CREB1: variants seen among roughly 807,000 people sequenced by gnomAD.
CREB1 encodes cAMP responsive element binding protein 1.
A neutral mutation model predicts 42.0 loss-of-function variants in CREB1; 2 were observed. The ratio of observed to expected loss-of-function variants is 0.05; its 90% confidence interval spans 0.02 to 0.15. The LOEUF is 0.15. CREB1 is among the 10% of genes least tolerant of loss of function. The pLI, the probability that CREB1 is intolerant of heterozygous loss-of-function variation, is 1.00. For missense variants in CREB1, 199 were observed against 388.9 expected (o/e 0.51, Z 4.11); for synonymous variants, 123 against 139.9 (o/e 0.88, Z 0.85).
chr2:207,577,744 G>C, intron 7 of CREB1, 89 bp downstream of exon 7: 2 of 1,499,344 alleles, frequency 1.3e-6, no homozygotes, highest in Non-Finnish European at 1.8e-6. Context: ...ACTGGTAATA[G>C]GATCTTTGCA....
Position 207,600,617 on chromosome 2 carries a change from AATC to A in CREB1, c.*3563_*3565del, listed in dbSNP as rs2086885684. 4.7e-6 allele frequency: 1 copy of A among 212,288 alleles called. No individual in the cohort carries two copies. The highest frequency in any genetic ancestry group is 9.5e-6 in the Non-Finnish European group (1 of 104,726). The allele number at this position is 212,288 out of a possible 1,614,324, so 13.2% of individuals were successfully genotyped here. A position where few individuals can be genotyped will look rare whatever the true frequency, so the allele number is the denominator to read the frequency against. On this transcript the variant is annotated 3_prime_UTR_variant, in exon 8 of 8. Coordinates refer to ENST00000353267, the MANE Select transcript of CREB1 (RefSeq NM_004379.5). Reference sequence around the variant, plus strand: ...TAAAGGAACCACTGATTTTTTCAAAAATCATCCTGGGGGAGGAATTTTGGCATT... The same window carrying A: ...TAAAGGAACCACTGATTTTTTCAAAAATCCTGGGGGAGGAATTTTGGCATT...
At chr2:207,558,116 A>T (rs1019036638) in intron 2 of CREB1, among the ~76,000 whole-genome samples, 1 of 152,230 alleles carries the variant, frequency 6.6e-6, no homozygotes, top group Non-Finnish European at 1.5e-5. Flanking sequence ...AGCAAGATTT[A>T]TAGTGGCCAG....
chr2:207,588,748 T>G (rs201350738), intron 7 of CREB1, among the ~76,000 whole-genome samples: 199 of 142,214 alleles, frequency 1.4e-3, no homozygotes, highest in Admixed American at 3.6e-3. Context: ...TTTTTGTGTG[T>G]GGGGGTGGGG....
intron 1 of CREB1, among the ~76,000 whole-genome samples, chr2:207,541,933 T>G (rs1371535176): frequency 2.0e-5 from 3 of 152,248 alleles, no homozygotes; most frequent in Non-Finnish European, 4.4e-5. Flanking sequence ...ACATTGTGTA[T>G]AAGTGGAATC....
intron 7 of CREB1, among the ~76,000 whole-genome samples, chr2:207,595,325 A>C (rs748141504): frequency 1.3e-5 from 2 of 151,814 alleles, no homozygotes; most frequent in African/African-American, 4.8e-5. Flanking sequence ...GGCCATTTAT[A>C]TATCTCTGGA....
chr2:207,578,045 A>G (rs1386759025), intron 7 of CREB1: 1 of 184,032 alleles, frequency 5.4e-6, no homozygotes, highest in Non-Finnish European at 1.1e-5. Context: ...TCTATATTAA[A>G]TTTACTTGAT....
chr2:207,558,036 T>G (rs1038142534), intron 2 of CREB1, among the ~76,000 whole-genome samples: 3 of 152,176 alleles, frequency 2.0e-5, no homozygotes, highest in Admixed American at 6.5e-5. Flanking sequence ...AGAGTTGACT[T>G]TACAGAGTAT....
Position 207,597,133 on chromosome 2 carries a change from AT to A in CREB1, c.*79del, listed in dbSNP as rs1559084469. The A allele has an allele frequency of 1.4e-6, 2 of 1,430,770 alleles. No homozygotes were observed. The highest frequency in any genetic ancestry group is 1.9e-6 in the Non-Finnish European group (2 of 1,070,198). 88.6% of individuals were successfully genotyped at this position (1,430,770 alleles called of 1,614,324 possible). A position where few individuals can be genotyped will look rare whatever the true frequency, so the allele number is the denominator to read the frequency against. On this transcript the variant is annotated 3_prime_UTR_variant, in exon 8 of 8. Coordinates refer to ENST00000353267, the MANE Select transcript of CREB1 (RefSeq NM_004379.5). ...CCACAACCTGAAAGACAAAATAAACATTTTATTTTCTAAACATTTCTTTTTT... is the reference window on the plus strand; with the variant it reads ...CCACAACCTGAAAGACAAAATAAACATTTATTTTCTAAACATTTCTTTTTT...
intron 4 of CREB1, chr2:207,567,819 A>C: frequency 3.9e-6 from 1 of 257,344 alleles, no homozygotes; most frequent in Non-Finnish European, 7.5e-6. Context: ...TTTCTGTTAA[A>C]AGTTTGGAAT....
intron 7 of CREB1, among the ~76,000 whole-genome samples, chr2:207,591,904 G>A (rs2085113965): frequency 6.6e-6 from 1 of 152,024 alleles, no homozygotes; most frequent in South Asian, 2.1e-4. Flanking sequence ...GGCACAAGTA[G>A]AAATTTTTAA....
intron 1 of CREB1, among the ~76,000 whole-genome samples, chr2:207,530,841 A>G (rs990323410): frequency 6.6e-6 from 1 of 150,946 alleles, no homozygotes; most frequent in Non-Finnish European, 1.5e-5. Flanking sequence ...CTCGTGCTGT[A>G]TTTTATTCGT....
intron 7 of CREB1, among the ~76,000 whole-genome samples, chr2:207,593,559 T>C (rs894484584): frequency 2.6e-5 from 4 of 151,920 alleles, no homozygotes; most frequent in African/African-American, 9.7e-5. Context: ...AAATGCTACT[T>C]TTTTCTGAAT....
In CREB1 at chr2:207,604,481, T is replaced by C; in HGVS notation, c.*7423T>C. Among the ~76,000 whole-genome samples the C allele has an allele frequency of 2.0e-5, 1 of 49,064 alleles. No individual in the cohort carries two copies. Among genetic ancestry groups the C allele is most frequent in the Non-Finnish European group, 4.0e-5 (1 of 25,298 alleles). 32.2% of individuals were successfully genotyped at this position (49,064 alleles called of 152,430 possible). A position where few individuals can be genotyped will look rare whatever the true frequency, so the allele number is the denominator to read the frequency against. On this transcript the variant is annotated 3_prime_UTR_variant, in exon 8 of 8. Transcript: ENST00000353267. The stretch of plus-strand genomic sequence containing the variant: ...CTTCTTCTTAACTGTGCGTCCTAAT[T>C]TCTCCACATCTTTCTTAAGTGCAGT...
At chr2:207,537,380 TAG>T (rs1472285443) in intron 1 of CREB1, among the ~76,000 whole-genome samples, 1 of 152,106 alleles carries the variant, frequency 6.6e-6, no homozygotes, top group Non-Finnish European at 1.5e-5. Flanking sequence ...GGGGGTGGGG[TAG>T]ATCATTGAAA....
chr2:207,562,620 GA>G (rs2081996252), intron 3 of CREB1, among the ~76,000 whole-genome samples: 2 of 152,030 alleles, frequency 1.3e-5, no homozygotes, highest in Non-Finnish European at 2.9e-5. Flanking sequence ...TACAAATAGA[GA>G]TACAAATATA....
Position 207,600,238 on chromosome 2 carries a change from C to CATATATATATATATATGTGTACAT in CREB1, c.*3196_*3197insGTGTACATATATATATATATATAT, listed in dbSNP as rs2086809591. The CATATATATATATATATGTGTACAT allele has an allele frequency of 6.9e-6, 1 of 145,178 alleles. No homozygotes were observed. Among genetic ancestry groups the CATATATATATATATATGTGTACAT allele is most frequent in the Non-Finnish European group, 1.5e-5 (1 of 68,144 alleles). 9.0% of individuals were successfully genotyped at this position (145,178 alleles called of 1,614,324 possible). On this transcript the variant is annotated 3_prime_UTR_variant, in exon 8 of 8. Transcript: ENST00000353267. ...GTGGCATTTGTATAATATATGTGTA[C>CATATATATATATATATGTGTACAT]ATATATATATATATATATATATATA...
intron 3 of CREB1, among the ~76,000 whole-genome samples, chr2:207,565,528 A>AG (rs2082108538): frequency 6.6e-6 from 1 of 151,376 alleles, no homozygotes; most frequent in Non-Finnish European, 1.5e-5. Flanking sequence ...ATCCAGAGTT[A>AG]GAAAAAAAAA....
chr2:207,574,117 T>C (rs570811166), intron 5 of CREB1, among the ~76,000 whole-genome samples: 1 of 152,348 alleles, frequency 6.6e-6, no homozygotes, highest in East Asian at 1.9e-4. Flanking sequence ...TTAACTCTTC[T>C]TACTTCTTGA....
At chr2:207,543,786 G>A (rs1012098073) in intron 1 of CREB1, among the ~76,000 whole-genome samples, 12 of 151,884 alleles carry the variant, frequency 7.9e-5, no homozygotes, top group Non-Finnish European at 1.3e-4. Context: ...TGTATTTTTA[G>A]TAGAGACAGG....
Sources: allele counts gnomAD v4.1 joint callset (sites outside exome capture counted in the v4.1 genomes callset), GRCh38; gene constraint gnomAD v4.1.1; transcripts MANE v1.5; gene names NCBI Gene and HGNC (gene_info 2026-07-23, HGNC 2026-07-21).